Variants in LGSN observed in about 807,000 individuals in gnomAD.
The protein encoded by LGSN is lengsin.
A neutral mutation model predicts 19.5 loss-of-function variants in LGSN; 21 were observed. That is an observed-to-expected ratio of 1.07 (90% confidence interval 0.76 to 1.55). The LOEUF is 1.55. LGSN is among the 40% of genes most tolerant of loss of function. LGSN has a pLI of 0.00. For synonymous variants in LGSN, 257 were observed against 215.6 expected (o/e 1.19, Z -1.68); for missense variants, 673 against 608.5 (o/e 1.11, Z -1.12).
At chr6:63,454,779 CT>C in the LGSN span, among the ~76,000 whole-genome samples, 3 of 113,366 alleles carry the variant, frequency 2.6e-5, no homozygotes, top group Admixed American at 9.4e-5. Flanking sequence ...CCTACGTTTT[CT>C]TTTTTTCTTT....
chr6:63,495,511 T>A, the LGSN span, among the ~76,000 whole-genome samples: 2 of 132,766 alleles, frequency 1.5e-5, no homozygotes, highest in African/African-American at 3.0e-5. Context: ...CAGGCTGGAG[T>A]GCAGTGGTGA....
chr6:63,502,566 A>G, the LGSN span, among the ~76,000 whole-genome samples: 1 of 152,246 alleles, frequency 6.6e-6, no homozygotes, highest in African/African-American at 2.4e-5. Flanking sequence ...GTTATACCTG[A>G]TGATCGTTCA....
chr6:63,557,537 G>T, the LGSN span, among the ~76,000 whole-genome samples: 3 of 152,078 alleles, frequency 2.0e-5, no homozygotes, highest in Non-Finnish European at 4.4e-5. Context: ...CTACACTCCA[G>T]CCTGGGCTAC....
chr6:63,455,517 G>A, the LGSN span, among the ~76,000 whole-genome samples: 1 of 152,170 alleles, frequency 6.6e-6, no homozygotes, highest in Non-Finnish European at 1.5e-5. Flanking sequence ...CACTTTGGGA[G>A]GCCGAGGCGG....
chr6:63,480,121 T>C, the LGSN span: 2 of 202,740 alleles, frequency 9.9e-6, no homozygotes, highest in Non-Finnish European at 2.2e-5. Flanking sequence ...AGCTCTCAGA[T>C]GCAGCTGATG....
At chr6:63,414,727 CA>C in the LGSN span, among the ~76,000 whole-genome samples, 2 of 152,300 alleles carry the variant, frequency 1.3e-5, no homozygotes, top group East Asian at 3.9e-4. Context: ...CCAGCCTGGG[CA>C]ACATGGCCAA....
In LGSN at chr6:63,277,910, C is replaced by T. The variant is rs1767143717; in HGVS notation, c.*2111G>A. 6.6e-6 allele frequency: 1 copy of T among 152,042 alleles called. No homozygotes were observed. Among genetic ancestry groups the T allele is most frequent in the African/African-American group, 2.4e-5 (1 of 41,364 alleles). 9.4% of individuals were successfully genotyped at this position (152,042 alleles called of 1,614,324 possible). ...GACCAGACTGGCCAATATGGTGAAA[C>T]CCCATCTCTACTAAAAGGCCAGGCA... On this transcript the variant is annotated 3_prime_UTR_variant, in exon 4 of 4. Coordinates refer to ENST00000370657, the MANE Select transcript of LGSN (RefSeq NM_016571.3).
At chr6:63,537,468 G>T in the LGSN span, among the ~76,000 whole-genome samples, 1 of 152,160 alleles carries the variant, frequency 6.6e-6, no homozygotes, top group East Asian at 1.9e-4. Context: ...TGGAAACAGG[G>T]TTTTGGCATC....
the LGSN span, among the ~76,000 whole-genome samples, chr6:63,374,793 T>C: frequency 6.6e-6 from 1 of 152,214 alleles, no homozygotes; most frequent in Non-Finnish European, 1.5e-5. Context: ...CTTTCCGTTA[T>C]TGTCTTCCAC....
chr6:63,376,640 A>G, the LGSN span, among the ~76,000 whole-genome samples: 4 of 152,246 alleles, frequency 2.6e-5, no homozygotes, highest in South Asian at 8.3e-4. Context: ...TAATTATCTG[A>G]CTGCCTCTTA....
At chr6:63,309,742 T>A (rs1711896) in intron 1 of LGSN, among the ~76,000 whole-genome samples, 1,820 of 152,316 alleles carry the variant, frequency 0.012, 23 homozygotes, top group African/African-American at 0.041. Context: ...TTCTTAGAAT[T>A]TTCAAGAAGG....
intron 2 of LGSN, among the ~76,000 whole-genome samples, chr6:63,288,230 A>T (rs375215704): frequency 1.7e-4 from 24 of 138,516 alleles, no homozygotes; most frequent in Admixed American, 1.0e-3. Context: ...CCATCTCAAA[A>T]AAATAAATAA....
the LGSN span, among the ~76,000 whole-genome samples, chr6:63,364,674 G>T: frequency 3.6e-3 from 540 of 152,062 alleles, 5 homozygotes; most frequent in African/African-American, 0.012. Context: ...AAAATTGGCC[G>T]CATAGTTGGA....
the LGSN span, among the ~76,000 whole-genome samples, chr6:63,567,527 TGCTAAACA>T: frequency 6.6e-6 from 1 of 152,360 alleles, no homozygotes; most frequent in Admixed American, 6.5e-5. Flanking sequence ...TAGTGAGCCA[TGCTAAACA>T]GATGTGCTGT....
intron 2 of LGSN, among the ~76,000 whole-genome samples, chr6:63,289,273 C>T (rs572600153): frequency 6.6e-6 from 1 of 152,270 alleles, no homozygotes; most frequent in South Asian, 2.1e-4. Context: ...TCCTAAGCAT[C>T]GATTTTTCAT....
the LGSN span, among the ~76,000 whole-genome samples, chr6:63,331,023 G>C: frequency 6.6e-6 from 1 of 152,150 alleles, no homozygotes; most frequent in Non-Finnish European, 1.5e-5. Context: ...AGGTACCTGA[G>C]TTGGGCCAAA....
chr6:63,414,530 T>A, the LGSN span, among the ~76,000 whole-genome samples: 2 of 152,266 alleles, frequency 1.3e-5, no homozygotes, highest in Non-Finnish European at 2.9e-5. Context: ...ATTATGGTAA[T>A]GCTATTACCA....
chr6:63,431,230 G>C, the LGSN span, among the ~76,000 whole-genome samples: 1 of 152,142 alleles, frequency 6.6e-6, no homozygotes, highest in African/African-American at 2.4e-5. Flanking sequence ...TTAAGTAGTA[G>C]AACTAGAAAG....
chr6:63,287,634 G>A (rs1767594500), intron 2 of LGSN, among the ~76,000 whole-genome samples: 1 of 152,094 alleles, frequency 6.6e-6, no homozygotes, highest in Non-Finnish European at 1.5e-5. Flanking sequence ...CTTGAGCCTG[G>A]GAGGTAGAGG....
Sources: allele counts gnomAD v4.1 joint callset (sites outside exome capture counted in the v4.1 genomes callset), GRCh38; gene constraint gnomAD v4.1.1; transcripts MANE v1.5; gene names NCBI Gene and HGNC (gene_info 2026-07-23, HGNC 2026-07-21).